MED8: variants seen among roughly 807,000 people sequenced by gnomAD.
The protein encoded by MED8 is mediator of RNA polymerase II transcription subunit 8.
A neutral mutation model predicts 34.8 loss-of-function variants in MED8; 22 were observed. The ratio of observed to expected loss-of-function variants is 0.63; its 90% CI spans 0.45 to 0.90. MED8 has a LOEUF of 0.90. Ranked by LOEUF, MED8 falls within the 40% of genes least tolerant of loss-of-function variation. The pLI is 0.00. For synonymous variants in MED8, 105 were observed against 120.2 expected (o/e 0.87, Z 0.83); for missense variants, 260 against 326.3 (o/e 0.80, Z 1.57).
In MED8 at chr1:43,384,350, G is replaced by A. The variant is rs192478855; in HGVS notation, c.*692C>T. ...GAGCCACTTCCTGAGAAAGCCTCGT[G>A]TGTATAAGGTGGGGTAAAGGATAGG... On this transcript the variant is annotated 3_prime_UTR_variant, in exon 7 of 7. Coordinates refer to ENST00000372457, the MANE Select transcript of MED8 (RefSeq NM_201542.5). The A allele has an allele frequency of 2.1e-6, 3 of 1,401,516 alleles. No homozygotes were observed. The highest frequency in any genetic ancestry group is 3.1e-5 in the South Asian group (2 of 64,728). The allele number at this position is 1,401,516 out of a possible 1,614,324, so 86.8% of individuals were successfully genotyped here.
rs1386215961 is a variant in MED8 at position 43,386,709 on chromosome 1, G to C, written c.412-39C>G. The C allele has an allele frequency of 1.3e-6, 2 of 1,595,794 alleles. No individual in the cohort carries two copies. Among genetic ancestry groups the C allele is most frequent in the South Asian group, 2.2e-5 (2 of 89,004 alleles). On this transcript the variant is annotated intron_variant, in intron 4 of 6. Transcript: ENST00000372457. This position sits in a 1 kb window ranked among gnomAD's most constrained non-coding sequence, Gnocchi z 4.9. ...ATTTGTGCAGAGATTAGGGTAACTA[G>C]GAAACGATATGGAGAAATTTATTCC...
At chr1:43,387,445 C>A (rs561411332) in intron 3 of MED8, 58 bp downstream of exon 3, 59 of 1,577,822 alleles carry the variant, frequency 3.7e-5, no homozygotes, top group Non-Finnish European at 5.1e-5. Flanking sequence ...TCCCTAAATA[C>A]TAAAGAAGCC....
Position 43,386,314 on chromosome 1 carries a change from T to C in MED8, c.494-88A>G. ...GGAAGACCAGTATGAGTGCCAGGGT[T>C]TGGAGTTCTGAATTCAGCAACATCT... On this transcript the variant is annotated intron_variant, in intron 5 of 6. Transcript: ENST00000372457. This position sits in a 1 kb window ranked among gnomAD's most constrained non-coding sequence, Gnocchi z 4.9. 1 of 1,497,894 alleles carries C rather than the reference T, an allele frequency of 6.7e-7. No individual in the cohort carries two copies. Among genetic ancestry groups the C allele is most frequent in the Non-Finnish European group, 8.9e-7 (1 of 1,121,656 alleles). The allele number at this position is 1,497,894 out of a possible 1,614,324, so 92.8% of individuals were successfully genotyped here. A position where few individuals can be genotyped will look rare whatever the true frequency, so the allele number is the denominator to read the frequency against.
At chr1:43,387,953 C>G (rs945371833) in intron 2 of MED8, among the ~76,000 whole-genome samples, 2 of 151,798 alleles carry the variant, frequency 1.3e-5, no homozygotes, top group African/African-American at 4.8e-5. Flanking sequence ...CGGGTAAAAG[C>G]CTCCTTTCCA....
At chr1:43,387,395 C>T in intron 3 of MED8, 108 bp downstream of exon 3, 2 of 1,432,866 alleles carry the variant, frequency 1.4e-6, no homozygotes, top group East Asian at 2.5e-5. Flanking sequence ...AAAGCAAGGC[C>T]TCCAAAATTA....
chr1:43,388,616 C>A, intron 1 of MED8, 188 bp from the exon 2 acceptor site: 1 of 934,284 alleles, frequency 1.1e-6, no homozygotes, highest in Non-Finnish European at 1.5e-6. Flanking sequence ...TGAGACCTTC[C>A]AACCTGTTTG....
chr1:43,384,878 C>A lies in MED8; in HGVS notation c.*164G>T. ...AAACAGGCTCAGAAAAATTAGGTCA[C>A]TTGTCCAAGGTCACACAGCTAGTCA... On this transcript the variant is annotated 3_prime_UTR_variant, in exon 7 of 7. Transcript: ENST00000372457. 7.1e-7 allele frequency: 1 copy of A among 1,411,992 alleles called. No individual in the cohort carries two copies. The allele number at this position is 1,411,992 out of a possible 1,614,324, so 87.5% of individuals were successfully genotyped here.
chr1:43,388,750 T>G (rs1196095339), intron 1 of MED8: 1 of 240,852 alleles, frequency 4.2e-6, no homozygotes, highest in African/African-American at 2.2e-5. Context: ...ACAGACCTAA[T>G]GCCAGGAGAT....
intron 3 of MED8, 38 bp downstream of exon 3, chr1:43,387,465 C>T (rs773888334): frequency 1.2e-6 from 2 of 1,605,722 alleles, no homozygotes; most frequent in African/African-American, 2.7e-5. Context: ...CTAAAAAACC[C>T]CTTAATTTCC....
chr1:43,385,779 G>T (rs1459351140), intron 6 of MED8, 199 bp downstream of exon 6: 12 of 742,092 alleles, frequency 1.6e-5, no homozygotes, highest in Non-Finnish European at 2.6e-5. Context: ...GTTACTCAAA[G>T]TTCTTCCTCA....
chr1:43,385,098 G>A lies in MED8; in HGVS notation c.751C>T (p.Pro251Ser), dbSNP rs1388508231. The change falls in exon 7 of 7, where the codon CCA (proline) becomes TCA (serine). Residue 251 changes from proline (P) to serine (S), a missense_variant. Pro to Ser is a moderately conservative substitution (Grantham distance 74). Coordinates refer to ENST00000372457, the MANE Select transcript of MED8 (RefSeq NM_201542.5). Reference protein sequence around the residue: ...MAQAGQPGKMPSGIKTNIKSA... With the variant: ...MAQAGQPGKMSSGIKTNIKSA... ...TTGATGTTGGTTTTTATTCCACTTG[G>A]CATTTTCCCTGAAAGGAACATTAAA... The A allele has an allele frequency of 8.4e-6, 13 of 1,554,650 alleles. No individual in the cohort carries two copies. Among genetic ancestry groups the A allele is most frequent in the Admixed American group, 2.0e-5 (1 of 51,262 alleles).
Position 43,386,824 on chromosome 1 carries a change from G to A in MED8, c.411+34C>T. ...ATGCCTAGCTTCTCATGATGGGATG[G>A]GGATGGGGCAGCAAGGCAGTGACTC... On this transcript the variant is annotated intron_variant, in intron 4 of 6. Transcript: ENST00000372457. The surrounding 1 kb of genome is among the most constrained non-coding windows in gnomAD (Gnocchi z 4.9). The A allele has an allele frequency of 2.5e-6, 4 of 1,612,926 alleles. No individual in the cohort carries two copies. The highest frequency in any genetic ancestry group is 4.5e-5 in the East Asian group (2 of 44,870).
chr1:43,389,788 C>T lies in MED8; in HGVS notation c.-24G>A. 5 of 1,610,020 alleles carry T rather than the reference C, an allele frequency of 3.1e-6. No homozygotes were observed. The highest frequency in any genetic ancestry group is 3.4e-6 in the Non-Finnish European group (4 of 1,178,204). On this transcript the variant is annotated 5_prime_UTR_variant, in exon 1 of 7. The change creates a new upstream start codon in the 5' untranslated region. Coordinates refer to ENST00000372457, the MANE Select transcript of MED8 (RefSeq NM_201542.5). The stretch of plus-strand genomic sequence containing the variant: ...ATTGCGGCGGCCGAGGCGGCTGCCA[C>T]GATTTCACTTCCGGTTTTCCAGTCA...
At chr1:43,387,120 A>ATATCTAGTTTGCTAGGACACACTCTC in intron 3 of MED8, 122 bp from the exon 4 acceptor site, 1 of 1,302,760 alleles carries the variant, frequency 7.7e-7, no homozygotes. Flanking sequence ...CTGAGACATA[A>ATATCTAGTTTGCTAGGACACACTCTC]TATCTAGTTT....
At chr1:43,388,487 G>C (rs1647857526) in intron 1 of MED8, 59 bp from the exon 2 acceptor site, 1 of 1,596,328 alleles carries the variant, frequency 6.3e-7, no homozygotes, top group African/African-American at 1.3e-5. Flanking sequence ...ATAGAAAGGA[G>C]GGCTGGAAAG....
intron 6 of MED8, 108 bp downstream of exon 6, chr1:43,385,870 A>T: frequency 6.7e-7 from 1 of 1,483,152 alleles, no homozygotes; most frequent in Non-Finnish European, 9.1e-7. Flanking sequence ...TGAAAAGGAG[A>T]AATAGAGAAA....
At position 43,386,309 on chromosome 1, in the gene MED8, A is replaced by G; in HGVS notation, c.494-83T>C. On this transcript the variant is annotated intron_variant, in intron 5 of 6. Coordinates refer to ENST00000372457, the MANE Select transcript of MED8 (RefSeq NM_201542.5). The surrounding 1 kb of genome is among the most constrained non-coding windows in gnomAD (Gnocchi z 4.9). ...CAGCTGGAAGACCAGTATGAGTGCC[A>G]GGGTTTGGAGTTCTGAATTCAGCAA... 4 of 1,509,562 alleles carry G rather than the reference A, an allele frequency of 2.6e-6. No homozygotes were observed. The highest frequency in any genetic ancestry group is 3.5e-6 in the Non-Finnish European group (4 of 1,128,706). 93.5% of individuals were successfully genotyped at this position (1,509,562 alleles called of 1,614,324 possible).
In MED8 at chr1:43,389,780, G is replaced by C. The variant is rs368919830; in HGVS notation, c.-16C>G. Reference sequence around the variant, plus strand: ...TCACCTGCATTGCGGCGGCCGAGGCGGCTGCCACGATTTCACTTCCGGTTT... The same window carrying C: ...TCACCTGCATTGCGGCGGCCGAGGCCGCTGCCACGATTTCACTTCCGGTTT... On this transcript the variant is annotated 5_prime_UTR_variant, in exon 1 of 7. Transcript: ENST00000372457. The C allele has an allele frequency of 6.8e-6, 11 of 1,609,162 alleles. No individual in the cohort carries two copies. The highest frequency in any genetic ancestry group is 2.7e-5 in the African/African-American group (2 of 74,468).
intron 2 of MED8, 51 bp downstream of exon 2, chr1:43,388,259 C>A: frequency 6.4e-7 from 1 of 1,566,220 alleles, no homozygotes; most frequent in South Asian, 1.1e-5. Context: ...CATCAGGAGG[C>A]TAGGCCCCCC....
Sources: allele counts gnomAD v4.1 joint callset (sites outside exome capture counted in the v4.1 genomes callset), GRCh38; gene constraint gnomAD v4.1.1; non-coding constraint Gnocchi (gnomAD v3.1); transcripts MANE v1.5; gene names NCBI Gene and HGNC (gene_info 2026-07-23, HGNC 2026-07-21).